STAT2: variants seen among roughly 807,000 people sequenced by gnomAD.
STAT2 encodes signal transducer and activator of transcription 2.
STAT2 carries 51 observed loss-of-function variants against 122.3 expected under a neutral mutation model. The ratio of observed to expected loss-of-function variants is 0.42; its 90% CI spans 0.33 to 0.53. STAT2 has a LOEUF of 0.53. STAT2 is among the 20% of genes least tolerant of loss of function. The pLI is 0.10. For missense variants in STAT2, 736 were observed against 1,010.3 expected (o/e 0.73, Z 3.68); for synonymous variants, 351 against 394.9 (o/e 0.89, Z 1.32).
chr12:56,355,614 C>CG, intron 4 of STAT2, 82 bp from the exon 5 acceptor site: 1 of 1,596,730 alleles, frequency 6.3e-7, no homozygotes, highest in South Asian at 1.1e-5. Context: ...CACAGGATGT[C>CG]GGGGGGATCC....
chr12:56,351,766 T>G (rs1419223707), intron 8 of STAT2, among the ~76,000 whole-genome samples: 1 of 152,194 alleles, frequency 6.6e-6, no homozygotes, highest in African/African-American at 2.4e-5. Context: ...GCAGGTACTA[T>G]TATTTTCCCC....
Position 56,343,469 on chromosome 12 carries a change from G to C in STAT2, c.2476C>G (p.Gln826Glu). The C allele has an allele frequency of 6.2e-7, 1 of 1,614,142 alleles. No homozygotes were observed. ...MPNGDPLLAGQNTVDEVYVSR... is the reference protein window; with the variant it reads ...MPNGDPLLAGENTVDEVYVSR... ...ACGTAAACCTCATCCACGGTGTTCT[G>C]GCCAGCCAACAGTGGGTCACCATTC... Residue 826 changes from glutamine (Q) to glutamate (E), a missense_variant, in exon 24 of 24, where the codon CAG (glutamine) becomes GAG (glutamate). Coordinates refer to ENST00000314128, the MANE Select transcript of STAT2 (RefSeq NM_005419.4).
chr12:56,355,077 C>G, intron 6 of STAT2, 199 bp downstream of exon 6: 1 of 722,804 alleles, frequency 1.4e-6, no homozygotes, highest in Non-Finnish European at 2.3e-6. Flanking sequence ...CATGCATTTC[C>G]TCAACATTTA....
intron 6 of STAT2, 47 bp downstream of exon 6, chr12:56,355,229 T>C: frequency 6.2e-7 from 1 of 1,609,438 alleles, no homozygotes; most frequent in South Asian, 1.1e-5. Flanking sequence ...AGCTCCGGCT[T>C]CTCAGCAGGC....
At chr12:56,352,662 T>C (rs1007386957) in intron 8 of STAT2, among the ~76,000 whole-genome samples, 1 of 151,904 alleles carries the variant, frequency 6.6e-6, no homozygotes, top group Non-Finnish European at 1.5e-5. Context: ...TATATGCCTG[T>C]TTTTCAATCT....
chr12:56,348,081 T>C (rs73324336), intron 19 of STAT2, among the ~76,000 whole-genome samples: 22,380 of 149,176 alleles, frequency 0.15, 5,515 homozygotes, highest in African/African-American at 0.51. Context: ...ATGGCTATTA[T>C]TGGTTGTTTT....
At chr12:56,354,916 C>T (rs1809218041) in intron 6 of STAT2, 53 bp from the exon 7 acceptor site, 21 of 1,563,396 alleles carry the variant, frequency 1.3e-5, no homozygotes, top group Non-Finnish European at 3.5e-6. Flanking sequence ...TCCTTCCTGA[C>T]TGGGGTCTCA....
intron 8 of STAT2, chr12:56,352,247 A>T (rs1180001504): frequency 6.6e-6 from 1 of 152,050 alleles, no homozygotes; most frequent in Non-Finnish European, 1.5e-5. Context: ...ATAATTAAAA[A>T]TAATAATAAT....
chr12:56,344,419 C>G (rs1592463160), intron 22 of STAT2, among the ~76,000 whole-genome samples: 1 of 152,182 alleles, frequency 6.6e-6, no homozygotes, highest in African/African-American at 2.4e-5. Flanking sequence ...TCTAACAGAC[C>G]TGTATCATTA....
chr12:56,349,564 CTCGAG>C lies in STAT2; in HGVS notation c.1257+20_1257+24del. ...AGGCTCTTTGGCAAGCTCCCCCTGC[CTCGAG>C]TCCTCTGTCCAGATCTCACCTTATT... On this transcript the variant is annotated intron_variant, in intron 14 of 23. Coordinates refer to ENST00000314128, the MANE Select transcript of STAT2 (RefSeq NM_005419.4). The C allele has an allele frequency of 6.2e-7, 1 of 1,614,198 alleles. No homozygotes were observed. Among genetic ancestry groups the C allele is most frequent in the Middle Eastern group, 1.6e-4 (1 of 6,062 alleles).
Position 56,350,078 on chromosome 12 carries a change from G to C in STAT2, c.1209+19C>G. ...AAATAAAAATAGTAATAAAAGCATAGGTCACAAACTATTCTTACCAGGTAA... is the reference window on the plus strand; with the variant it reads ...AAATAAAAATAGTAATAAAAGCATACGTCACAAACTATTCTTACCAGGTAA... On this transcript the variant is annotated intron_variant, in intron 13 of 23. Coordinates refer to ENST00000314128, the MANE Select transcript of STAT2 (RefSeq NM_005419.4). 5 of 1,589,038 alleles carry C rather than the reference G, an allele frequency of 3.1e-6. No individual in the cohort carries two copies. The highest frequency in any genetic ancestry group is 3.4e-6 in the Non-Finnish European group (4 of 1,160,218).
chr12:56,346,251 T>C (rs188762342), intron 21 of STAT2, 48 bp from the exon 22 acceptor site: 2 of 1,610,404 alleles, frequency 1.2e-6, no homozygotes, highest in African/African-American at 1.3e-5. Context: ...GGGCCAGACA[T>C]ATAGCCTGAG....
At position 56,354,873 on chromosome 12, in the gene STAT2, G is replaced by A. The variant is rs199708754; in HGVS notation, c.548-10C>T. On this transcript the variant is annotated splice_polypyrimidine_tract_variant and intron_variant, in intron 6 of 23. Transcript: ENST00000314128. ...AGAGAGGGTGTCTTCCCTGGATGGTGGGAACAGGAGTCAGTCCAGGGGTTC... is the reference window on the plus strand; with the variant it reads ...AGAGAGGGTGTCTTCCCTGGATGGTAGGAACAGGAGTCAGTCCAGGGGTTC... 5.6e-6 allele frequency: 9 copies of A among 1,613,766 alleles called. No individual in the cohort carries two copies. In the East Asian group the frequency reaches 8.9e-5, roughly 16 times the overall value.
Position 56,356,567 on chromosome 12 carries a change from G to A in STAT2, c.5C>T (p.Ala2Val), listed in dbSNP as rs200501174. The A allele has an allele frequency of 5.0e-6, 8 of 1,613,986 alleles. No homozygotes were observed. The African/African-American group carries it at 5.3e-5, about 11-fold the overall frequency. Residue 2 changes from alanine (A) to valine (V), a missense_variant, in exon 2 of 24, where the codon GCG (alanine) becomes GTG (valine). Ala to Val is a moderately conservative substitution (Grantham distance 64). Transcript: ENST00000314128. M[A>V]QWEMLQNLDS... Reference sequence around the variant, plus strand: ...AAGATTCTGCAGCATTTCCCACTGCGCCATTTGGGCTCTGCGTCAGAAGGA... The same window carrying A: ...AAGATTCTGCAGCATTTCCCACTGCACCATTTGGGCTCTGCGTCAGAAGGA...
At position 56,356,167 on chromosome 12, in the gene STAT2, G is replaced by A; in HGVS notation, c.250C>T (p.Gln84Ter). 6.2e-7 allele frequency: 1 copy of A among 1,614,134 alleles called. No individual in the cohort carries two copies. Among genetic ancestry groups the A allele is most frequent in the Non-Finnish European group, 8.5e-7 (1 of 1,180,034 alleles). ...CSQDPESLLL[Q>*]HNLRKFCRDI... ...CGGCAGAATTTCCGCAAATTGTGCT[G>A]CAGCAACAAGGACTCTGGGTCCTGG... The change falls in exon 3 of 24, where the codon CAG becomes TAG. Residue 84 changes from glutamine (Q) to a stop codon, truncating the protein, a stop_gained. Coordinates refer to ENST00000314128, the MANE Select transcript of STAT2 (RefSeq NM_005419.4). LOFTEE classifies it high-confidence loss of function.
intron 1 of STAT2, among the ~76,000 whole-genome samples, chr12:56,357,033 T>A (rs974203800): frequency 2.1e-5 from 3 of 142,976 alleles, no homozygotes; most frequent in Non-Finnish European, 4.6e-5. Context: ...TGTATTTTTT[T>A]TTTTTTTTTT....
chr12:56,351,019 T>A, intron 10 of STAT2, 79 bp downstream of exon 10: 2 of 1,572,792 alleles, frequency 1.3e-6, no homozygotes, highest in African/African-American at 2.7e-5. Flanking sequence ...AAGCCAAGAG[T>A]GGGAAGAGCT....
chr12:56,349,273 A>G lies in STAT2; in HGVS notation c.1342-12T>C. On this transcript the variant is annotated splice_polypyrimidine_tract_variant and intron_variant, in intron 15 of 23. Coordinates refer to ENST00000314128, the MANE Select transcript of STAT2 (RefSeq NM_005419.4). ...GGGAGGGTGTCCGTCTGGGGAGAAG[A>G]CAGGAGTCACAGAGAGGGATGTGAT... 3 of 1,614,202 alleles carry G rather than the reference A, an allele frequency of 1.9e-6. No individual in the cohort carries two copies.
intron 19 of STAT2, 24 bp from the exon 20 acceptor site, chr12:56,346,979 A>G: frequency 6.2e-7 from 1 of 1,613,264 alleles, no homozygotes. Context: ...AGCAGCTGTG[A>G]GACACCGCCC....
Sources: allele counts gnomAD v4.1 joint callset (sites outside exome capture counted in the v4.1 genomes callset), GRCh38; gene constraint gnomAD v4.1.1; transcripts MANE v1.5; gene names NCBI Gene and HGNC (gene_info 2026-07-23, HGNC 2026-07-21).